Variants in CFAP91 observed in about 807,000 individuals in gnomAD.
CFAP91 encodes the protein cilia- and flagella-associated protein 91.
A neutral mutation model predicts 95.9 loss-of-function variants in CFAP91; 85 were observed. That is an observed-to-expected ratio of 0.89 (90% CI 0.74 to 1.06). The LOEUF (loss-of-function observed/expected upper bound fraction) is 1.06, where lower values mean the gene tolerates loss of function less well. Ranked by LOEUF, CFAP91 falls within the 50% of genes least tolerant of loss-of-function variation. The pLI is 0.00. For synonymous variants in CFAP91, 335 were observed against 327.5 expected, an observed-to-expected ratio of 1.02 and a Z score of -0.25; for missense variants, 962 against 943.4, an observed-to-expected ratio of 1.02 and a Z score of -0.26.
intron 5 of CFAP91, among the ~76,000 whole-genome samples, chr3:119,714,748 T>A (rs2107862565): frequency 6.6e-6 from 1 of 152,358 alleles, no homozygotes; most frequent in South Asian, 2.1e-4. Context: ...TTCCAAAACC[T>A]TTTTCTAAGT....
At chr3:119,735,132 T>C (rs1313806609) in intron 10 of CFAP91, among the ~76,000 whole-genome samples, 1 of 152,166 alleles carries the variant, frequency 6.6e-6, no homozygotes, top group African/African-American at 2.4e-5. Context: ...TATTTATGCC[T>C]TAACTCTTTT....
At chr3:119,715,431 A>G (rs1226737417) in intron 5 of CFAP91, 131 bp from the exon 6 acceptor site, 2 of 813,692 alleles carry the variant, frequency 2.5e-6, no homozygotes, top group Non-Finnish European at 4.2e-6. Context: ...TGGATTCATG[A>G]TTTTGTACCT....
chr3:119,762,617 TAC>T (rs1042800082), intron 17 of CFAP91, among the ~76,000 whole-genome samples: 6 of 151,864 alleles, frequency 4.0e-5, no homozygotes, highest in African/African-American at 1.4e-4. Flanking sequence ...AGCATGGTAC[TAC>T]ACACACAGAC....
intron 10 of CFAP91, among the ~76,000 whole-genome samples, chr3:119,734,722 A>T (rs1424613570): frequency 6.6e-6 from 1 of 152,164 alleles, no homozygotes; most frequent in Non-Finnish European, 1.5e-5. Context: ...GAGTGAAATG[A>T]CCTTCTTGTT....
chr3:119,714,338 C>A (rs184455460), intron 5 of CFAP91, among the ~76,000 whole-genome samples: 5 of 148,392 alleles, frequency 3.4e-5, no homozygotes, highest in Non-Finnish European at 7.4e-5. Context: ...TGCACTCTAA[C>A]CTGGGCGACA....
At chr3:119,751,413 A>G (rs1367106400) in intron 17 of CFAP91, among the ~76,000 whole-genome samples, 1 of 152,208 alleles carries the variant, frequency 6.6e-6, no homozygotes, top group Non-Finnish European at 1.5e-5. Flanking sequence ...ACATATAAAC[A>G]ATCTTGTTCT....
intron 7 of CFAP91, among the ~76,000 whole-genome samples, chr3:119,729,264 G>T (rs1184141066): frequency 6.6e-6 from 1 of 152,068 alleles, no homozygotes; most frequent in African/African-American, 2.4e-5. Flanking sequence ...TCAGACTTCT[G>T]GGGGAACAAA....
chr3:119,734,040 C>T (rs1269067096), intron 10 of CFAP91, among the ~76,000 whole-genome samples: 1 of 152,154 alleles, frequency 6.6e-6, no homozygotes, highest in East Asian at 1.9e-4. Context: ...TGGTGGTTCT[C>T]ATTCTTTCCT....
intron 1 of CFAP91, among the ~76,000 whole-genome samples, chr3:119,703,456 G>C (rs186815020): frequency 1.7e-4 from 26 of 152,342 alleles, no homozygotes; most frequent in Non-Finnish European, 3.8e-4. Flanking sequence ...CTCCGCTTCG[G>C]GGGGCGATTT....
intron 9 of CFAP91, 81 bp from the exon 10 acceptor site, chr3:119,733,283 C>T: frequency 6.9e-7 from 1 of 1,454,442 alleles, no homozygotes; most frequent in Non-Finnish European, 9.3e-7. Flanking sequence ...GCTTGGCAAA[C>T]AGCTACAAAA....
chr3:119,723,463 A>G (rs1577212667), intron 6 of CFAP91, among the ~76,000 whole-genome samples: 1 of 152,296 alleles, frequency 6.6e-6, no homozygotes, highest in East Asian at 1.9e-4. Flanking sequence ...AGCAATCTAA[A>G]TGTCATTTGA....
At chr3:119,740,861 G>C in intron 13 of CFAP91, 166 bp downstream of exon 13, 1 of 751,464 alleles carries the variant, frequency 1.3e-6, no homozygotes, top group Non-Finnish European at 2.1e-6. Flanking sequence ...GTGTGTGTGT[G>C]TGTGTGTGTG....
At chr3:119,764,576 A>G (rs2054596244) in intron 17 of CFAP91, among the ~76,000 whole-genome samples, 1 of 152,268 alleles carries the variant, frequency 6.6e-6, no homozygotes, top group South Asian at 2.1e-4. Flanking sequence ...AAAGGCATAC[A>G]TGGTTTTTTA....
In CFAP91 at chr3:119,751,209, A is replaced by G. The variant is rs1449685835; in HGVS notation, c.*1+111A>G. 3 of 1,207,286 alleles carry G rather than the reference A, an allele frequency of 2.5e-6. No homozygotes were observed. The African/African-American group carries it at 4.6e-5, about 19-fold the overall frequency. The allele number at this position is 1,207,286 out of a possible 1,614,324, so 74.8% of individuals were successfully genotyped here. A position where few individuals can be genotyped will look rare whatever the true frequency, so the allele number is the denominator to read the frequency against. The stretch of plus-strand genomic sequence containing the variant: ...TAATGTGAAGATTGCTGTTTAAGAA[A>G]TGGAGGACTTCCACTTAAATTGGCA... On this transcript the variant is annotated intron_variant, in intron 17 of 17. Transcript: ENST00000273390.
chr3:119,708,861 C>G (rs1004764567), intron 4 of CFAP91, among the ~76,000 whole-genome samples, 187 bp downstream of exon 4: 2 of 152,118 alleles, frequency 1.3e-5, no homozygotes, highest in Non-Finnish European at 2.9e-5. Flanking sequence ...CCCTGTTTTA[C>G]CAGTAATGAA....
At chr3:119,762,089 C>A (rs754473376) in intron 17 of CFAP91, among the ~76,000 whole-genome samples, 6 of 151,658 alleles carry the variant, frequency 4.0e-5, no homozygotes, top group Non-Finnish European at 7.4e-5. Flanking sequence ...ATATAGAAAA[C>A]CCTAAAGACT....
intron 5 of CFAP91, among the ~76,000 whole-genome samples, chr3:119,714,885 C>A (rs1242886433): frequency 6.6e-6 from 1 of 152,194 alleles, no homozygotes; most frequent in East Asian, 1.9e-4. Flanking sequence ...AAGACCTTCA[C>A]TCAAAGATGA....
chr3:119,707,250 A>G (rs1343509757), intron 2 of CFAP91, 154 bp from the exon 3 acceptor site: 3 of 573,080 alleles, frequency 5.2e-6, no homozygotes, highest in Non-Finnish European at 8.8e-6. Flanking sequence ...TTGGGCATGT[A>G]TTTAAAGATA....
Position 119,709,876 on chromosome 3 carries a change from G to GT in CFAP91, c.483dup (p.Val162CysfsTer18). ...ATTTTTTCAGCAGATGCCATTCAAT[G>GT]TTGTTTATGCCGTATCCAAGTAAGT... is the stretch of plus-strand genomic sequence containing the variant. On this transcript the variant is annotated frameshift_variant, in exon 5 of 18. Coordinates refer to ENST00000273390, the MANE Select transcript of CFAP91 (RefSeq NM_033364.4). LOFTEE classifies it high-confidence loss of function. 6.2e-7 allele frequency: 1 copy of GT among 1,611,690 alleles called. No homozygotes were observed.
Sources: gnomAD v4.1 joint callset for allele counts (sites outside exome capture counted in the v4.1 genomes callset) on GRCh38, gnomAD v4.1.1 for gene constraint, MANE v1.5 for transcripts, NCBI Gene and HGNC (gene_info 2026-07-23, HGNC 2026-07-21) for gene names.